SPECC1: variants seen among roughly 807,000 people sequenced by gnomAD.
The protein encoded by SPECC1 is sperm antigen with calponin homology and coiled-coil domains 1, also known as cytospin-B.
A neutral mutation model predicts 104.1 loss-of-function variants in SPECC1; 62 were observed. The observed-to-expected ratio is 0.60, with a 90% CI of 0.49 to 0.74. The LOEUF (loss-of-function observed/expected upper bound fraction) is 0.74. SPECC1 is among the 30% of genes least tolerant of loss of function. The probability of loss-of-function intolerance (pLI) is 0.00; values close to 1 mark genes in which losing one functional copy is unlikely to be tolerated. For missense variants in SPECC1, 1,306 were observed against 1,310.5 expected (o/e 1.00, Z 0.05); for synonymous variants, 513 against 501.6 (o/e 1.02, Z -0.30).
intron 7 of SPECC1, among the ~76,000 whole-genome samples, chr17:20,241,278 C>T (rs2039188411): frequency 6.6e-6 from 1 of 152,190 alleles, no homozygotes; most frequent in African/African-American, 2.4e-5. Flanking sequence ...TGCCCCTCAT[C>T]CATTTTAGGT....
chr17:20,086,411 A>G (rs1351208507), intron 1 of SPECC1, among the ~76,000 whole-genome samples: 1 of 152,176 alleles, frequency 6.6e-6, no homozygotes, highest in Non-Finnish European at 1.5e-5. Context: ...TCACATGCCG[A>G]GGCCACAGCA....
chr17:20,150,894 C>T lies in SPECC1; in HGVS notation c.283+40332C>T, dbSNP rs189970461. Among the ~76,000 whole-genome samples, 9 of 152,052 alleles carry T rather than the reference C, an allele frequency of 5.9e-5. No homozygotes were observed. In the East Asian group the frequency reaches 1.7e-3, roughly 29 times the overall value. On this transcript the variant is annotated intron_variant, in intron 3 of 14. Coordinates refer to ENST00000395527, the MANE Select transcript of SPECC1 (RefSeq NM_001243439.2). ...ATATACATGTCAAAATTTATTTCTA[C>T]ACATATTAATATGGACAGTAGAATA... is the stretch of plus-strand genomic sequence containing the variant.
Position 20,204,775 on chromosome 17 carries a change from T to C in SPECC1, c.726T>C (p.Asp242=), listed in dbSNP as rs370898178. The change falls in exon 4 of 15, where the codon GAT becomes GAC. Residue 242 remains aspartate (D), a synonymous_variant. Coordinates refer to ENST00000395527, the MANE Select transcript of SPECC1 (RefSeq NM_001243439.2). ...KNKNFQKELS[D]LEEENRVLKE... is the part of the protein sequence containing the mutation. The stretch of plus-strand genomic sequence containing the variant: ...AGAACTTTCAGAAAGAGCTTTCCGA[T>C]CTAGAGGAAGAAAACCGGGTCCTGA... The C allele has an allele frequency of 1.7e-5, 27 of 1,613,892 alleles. No homozygotes were observed. Among genetic ancestry groups the C allele is most frequent in the Middle Eastern group, 1.6e-4 (1 of 6,084 alleles).
chr17:20,082,619 A>G (rs899600480), intron 1 of SPECC1, among the ~76,000 whole-genome samples: 5 of 151,918 alleles, frequency 3.3e-5, no homozygotes, highest in Non-Finnish European at 7.4e-5. Context: ...GTATATATAT[A>G]TATATTCACC....
chr17:20,080,374 T>C (rs1166254352), intron 1 of SPECC1, among the ~76,000 whole-genome samples: 1 of 152,058 alleles, frequency 6.6e-6, no homozygotes, highest in African/African-American at 2.4e-5. Context: ...GAGCATTTAT[T>C]TATTTTGTTT....
At chr17:20,098,049 C>T (rs1044616724) in intron 2 of SPECC1, among the ~76,000 whole-genome samples, 2 of 152,168 alleles carry the variant, frequency 1.3e-5, no homozygotes, top group African/African-American at 4.8e-5. Flanking sequence ...TGGCTTTTAA[C>T]ACTCTAAGTG....
chr17:20,191,735 AAG>A (rs2035687769), intron 3 of SPECC1, among the ~76,000 whole-genome samples: 2 of 152,016 alleles, frequency 1.3e-5, no homozygotes, highest in Admixed American at 1.3e-4. Context: ...ACTTATGAGA[AAG>A]AACATGCGAT....
At chr17:20,130,851 A>G (rs1216139280) in intron 3 of SPECC1, among the ~76,000 whole-genome samples, 2 of 152,248 alleles carry the variant, frequency 1.3e-5, no homozygotes, top group African/African-American at 2.4e-5. Flanking sequence ...CTCCTAATCC[A>G]TAAACATGGT....
chr17:20,274,507 CTTTTTT>C (rs1162367833), intron 12 of SPECC1, among the ~76,000 whole-genome samples: 3 of 131,466 alleles, frequency 2.3e-5, no homozygotes, highest in Non-Finnish European at 1.6e-5. Flanking sequence ...TTTCTTTTTT[CTTTTTT>C]TTTTTTTTTT....
intron 10 of SPECC1, among the ~76,000 whole-genome samples, chr17:20,254,134 C>CGTGTGTGTGTGTGTGTGTGTGTGT (rs71357419): frequency 1.4e-4 from 19 of 135,974 alleles, no homozygotes; most frequent in African/African-American, 4.1e-4. Flanking sequence ...GTTGTTACAC[C>CGTGTGTGTGTGTGTGTGTGTGTGT]GTGTGTGTGT....
chr17:20,226,471 A>G (rs1342932723), intron 4 of SPECC1, among the ~76,000 whole-genome samples: 1 of 152,208 alleles, frequency 6.6e-6, no homozygotes, highest in Non-Finnish European at 1.5e-5. Flanking sequence ...ATGCATATAT[A>G]GTAAAAGTGA....
At chr17:20,149,631 T>A (rs1485907966) in intron 3 of SPECC1, among the ~76,000 whole-genome samples, 1 of 152,204 alleles carries the variant, frequency 6.6e-6, no homozygotes, top group Non-Finnish European at 1.5e-5. Flanking sequence ...TGTAGACCTT[T>A]TCCCTTTTCT....
At chr17:20,270,561 G>A (rs1052468483) in intron 12 of SPECC1, among the ~76,000 whole-genome samples, 3 of 149,374 alleles carry the variant, frequency 2.0e-5, no homozygotes, top group Non-Finnish European at 3.0e-5. Context: ...CAAGGCCTCC[G>A]TGAGCTATGA....
chr17:20,060,528 C>T (rs898568459), intron 1 of SPECC1, among the ~76,000 whole-genome samples: 2 of 151,908 alleles, frequency 1.3e-5, no homozygotes, highest in South Asian at 2.1e-4. Flanking sequence ...AACAAAAAAA[C>T]AATAGAGGAC....
chr17:20,125,104 C>T (rs1282589497), intron 3 of SPECC1, among the ~76,000 whole-genome samples: 3 of 152,124 alleles, frequency 2.0e-5, no homozygotes, highest in South Asian at 2.1e-4. Flanking sequence ...GGCGTGAACC[C>T]GGGAGGCGGA....
chr17:20,170,538 G>C (rs1027689815), intron 3 of SPECC1, among the ~76,000 whole-genome samples: 1 of 152,134 alleles, frequency 6.6e-6, no homozygotes, highest in Admixed American at 6.6e-5. Context: ...GGGGGTGCAG[G>C]TATCACTGGG....
intron 3 of SPECC1, among the ~76,000 whole-genome samples, chr17:20,127,747 AT>A (rs1340771059): frequency 1.3e-5 from 2 of 151,824 alleles, no homozygotes; most frequent in African/African-American, 4.8e-5. Flanking sequence ...TGTTGTTCTC[AT>A]TGTTACTTTA....
chr17:20,058,754 G>A (rs1018038703), intron 1 of SPECC1, among the ~76,000 whole-genome samples: 1 of 152,000 alleles, frequency 6.6e-6, no homozygotes, highest in Middle Eastern at 3.5e-3. Context: ...CTGGTTTTGT[G>A]GGAGAATTTT....
chr17:20,114,813 A>T (rs2048678112), intron 3 of SPECC1, among the ~76,000 whole-genome samples: 2 of 152,202 alleles, frequency 1.3e-5, no homozygotes, highest in Non-Finnish European at 2.9e-5. Flanking sequence ...ATAGTGGGAG[A>T]AGATCAGACC....
Sources: gnomAD v4.1 joint callset for allele counts (sites outside exome capture counted in the v4.1 genomes callset) on GRCh38, gnomAD v4.1.1 for gene constraint, MANE v1.5 for transcripts, NCBI Gene and HGNC (gene_info 2026-07-23, HGNC 2026-07-21) for gene names.